The following GPAA1 variants were observed in gnomAD, a reference collection of about 807,000 sequenced individuals.
GPAA1 encodes GPI-anchor transamidase component GPAA1.
A neutral mutation model predicts 64.0 loss-of-function variants in GPAA1; 54 were observed. The ratio of observed to expected loss-of-function variants is 0.84; its 90% CI spans 0.68 to 1.06. The LOEUF (loss-of-function observed/expected upper bound fraction) is 1.06, where lower values mean the gene tolerates loss of function less well. GPAA1 is among the 50% of genes least tolerant of loss of function. GPAA1 has a pLI of 0.00. For synonymous variants in GPAA1, 393 were observed against 377.3 expected, an observed-to-expected ratio of 1.04 and a Z score of -0.48; for missense variants, 780 against 822.3, an observed-to-expected ratio of 0.95 and a Z score of 0.63.
chr8:144,085,264 C>A, intron 9 of GPAA1, 25 bp from the exon 10 acceptor site: 1 of 1,571,030 alleles, frequency 6.4e-7, no homozygotes, highest in Non-Finnish European at 8.6e-7. Flanking sequence ...CAGGGTCCAT[C>A]TCCAAGAGCC....
rs1554764272 is a variant in GPAA1, at chr8:144,085,613, C to A, written c.1492C>A (p.Leu498Met). The change falls in exon 11 of 12, where the codon CTG becomes ATG. Residue 498 changes from leucine to methionine, a missense_variant. Coordinates refer to ENST00000355091, the MANE Select transcript of GPAA1 (RefSeq NM_003801.4). Reference protein sequence around the residue: ...TQAPDRGWMALKLVALIYLAL... With the variant: ...TQAPDRGWMAMKLVALIYLAL... ...GGCCCCAGACAGGGGCTGGATGGCACTGAAGCTGGTAGCCCTGATCTACCT... is the reference window on the plus strand; with the variant it reads ...GGCCCCAGACAGGGGCTGGATGGCAATGAAGCTGGTAGCCCTGATCTACCT... 3 of 1,613,780 alleles carry A rather than the reference C, an allele frequency of 1.9e-6. No individual in the cohort carries two copies. In the African/African-American group the frequency reaches 4.0e-5, roughly 22 times the overall value.
intron 11 of GPAA1, 45 bp from the exon 12 acceptor site, chr8:144,085,837 A>G (rs1466064306): frequency 5.1e-5 from 81 of 1,600,404 alleles, no homozygotes; most frequent in Non-Finnish European, 6.7e-5. Flanking sequence ...CCTGGTGCCC[A>G]TGCCCCCACC....
intron 10 of GPAA1, 21 bp from the exon 11 acceptor site, chr8:144,085,552 T>C (rs1554764252): frequency 6.2e-7 from 1 of 1,610,622 alleles, no homozygotes; most frequent in Non-Finnish European, 8.5e-7. Context: ...GTGGGTTGCC[T>C]CTGAGTCCTT....
At position 144,084,223 on chromosome 8, in the gene GPAA1, G is replaced by T; in HGVS notation, c.706G>T (p.Asp236Tyr). The change falls in exon 6 of 12, where the codon GAT becomes TAT. Residue 236 changes from aspartate (D) to tyrosine (Y), a missense_variant. By Grantham distance (160) the Asp-to-Tyr change is radical. Transcript: ENST00000355091. ...GAGCAGTGATGTGGTCACCAGCCTCGATGTGGCCGTGGAGGGGCTTAACGG... is the reference window on the plus strand; with the variant it reads ...GAGCAGTGATGTGGTCACCAGCCTCTATGTGGCCGTGGAGGGGCTTAACGG... Reference protein sequence around the residue: ...ELSSDVVTSLDVAVEGLNGQL... With the variant: ...ELSSDVVTSLYVAVEGLNGQL... 1 of 1,612,940 alleles carries T rather than the reference G, an allele frequency of 6.2e-7. No individual in the cohort carries two copies. The highest frequency in any genetic ancestry group is 8.5e-7 in the Non-Finnish European group (1 of 1,179,738).
At position 144,085,755 on chromosome 8, in the gene GPAA1, T is replaced by C. The variant is rs1353619342; in HGVS notation, c.1622+12T>C. The C allele has an allele frequency of 6.2e-7, 1 of 1,610,702 alleles. No homozygotes were observed. The highest frequency in any genetic ancestry group is 1.7e-5 in the Admixed American group (1 of 60,002). ...CCTCATGGGCCCCGGTATGTATGGA[T>C]CAGCCCCACTTCCCCCAATGCCTGT... On this transcript the variant is annotated intron_variant, in intron 11 of 11. Transcript: ENST00000355091.
At chr8:144,082,991 G>C (rs1835933262) in intron 1 of GPAA1, 133 bp from the exon 2 acceptor site, 5 of 929,780 alleles carry the variant, frequency 5.4e-6, no homozygotes, top group Non-Finnish European at 7.9e-6. Context: ...GCTCGGGTCC[G>C]GCGTCCCGAT....
rs782743997 is a variant in GPAA1, at chr8:144,083,278, T to C, written c.229T>C (p.Phe77Leu). The change falls in exon 2 of 12, where the codon TTC becomes CTC. Residue 77 changes from phenylalanine to leucine, a missense_variant. Transcript: ENST00000355091. The part of the protein sequence containing the change: ...GDRARAFARD[F>L]AAHRKKSGAL... ...CCGTGCCCGGGCTTTTGCCCGGGAC[T>C]TCGCCGCCCACCGCAAGAAGTCGGG... is the stretch of plus-strand genomic sequence containing the variant. 26 of 1,603,104 alleles carry C rather than the reference T, an allele frequency of 1.6e-5. No individual in the cohort carries two copies. Among genetic ancestry groups the C allele is most frequent in the Non-Finnish European group, 2.2e-5 (26 of 1,173,046 alleles).
At position 144,083,983 on chromosome 8, in the gene GPAA1, C is replaced by T; in HGVS notation, c.559C>T (p.His187Tyr). 1.2e-6 allele frequency: 2 copies of T among 1,614,132 alleles called. No homozygotes were observed. ...AKDIVFLVTEHDLLGTEAWLE... is the reference protein window; with the variant it reads ...AKDIVFLVTEYDLLGTEAWLE... ...AGATATCGTCTTCCTGGTAACAGAA[C>T]ATGACCTTCTGGGCACTGAGGCTTG... The change falls in exon 5 of 12, where the codon CAT (histidine) becomes TAT (tyrosine). Residue 187 changes from histidine to tyrosine, a missense_variant. His to Tyr is a moderately conservative substitution (Grantham distance 83). Transcript: ENST00000355091.
chr8:144,086,175 C>T lies in GPAA1; in HGVS notation c.*50C>T, dbSNP rs1554764397. 3.8e-6 allele frequency: 6 copies of T among 1,576,296 alleles called. No homozygotes were observed. Among genetic ancestry groups the T allele is most frequent in the South Asian group, 2.2e-5 (2 of 89,774 alleles). The stretch of plus-strand genomic sequence containing the variant: ...GAGACTCCCCAAGGACCCCATTCTG[C>T]CTCCTTCTGGGGAAATAAATGAGTG... On this transcript the variant is annotated 3_prime_UTR_variant, in exon 12 of 12. Transcript: ENST00000355091.
intron 4 of GPAA1, 22 bp downstream of exon 4, chr8:144,083,883 C>T (rs1554763928): frequency 6.2e-7 from 1 of 1,613,600 alleles, no homozygotes; most frequent in Admixed American, 1.7e-5. Flanking sequence ...GGCTGCTGGC[C>T]GTGGAGGGGT....
rs1835947837 is a variant in GPAA1, at chr8:144,083,785, C to T, written c.438C>T (p.Leu146=). The T allele has an allele frequency of 6.2e-7, 1 of 1,607,740 alleles. No homozygotes were observed. The highest frequency in any genetic ancestry group is 1.3e-5 in the African/African-American group (1 of 74,928). The part of the protein sequence containing the change: ...PRAASTESLV[L]TVPCGSDSTN... Reference sequence around the variant, plus strand: ...CTGCCAGCACCGAGTCGCTTGTGCTCACCGTGCCCTGTGGCTCTGACTCTA... The same window carrying T: ...CTGCCAGCACCGAGTCGCTTGTGCTTACCGTGCCCTGTGGCTCTGACTCTA... Residue 146 remains leucine, a synonymous_variant, in exon 4 of 12, where the codon CTC becomes CTT. Transcript: ENST00000355091.
rs781967224 is a variant in GPAA1, at chr8:144,085,903, GGT to G, written c.1646_1647del (p.Val549AlafsTer96). ...CCAGGACCCTCTATGCTGCCCTGCT[GGT>G]GCTGACCAGCCCGGCAGCCACGCTC... ...GPRTLYAALL[V>X]LTSPAATLLG... On this transcript the variant is annotated frameshift_variant, in exon 12 of 12. Coordinates refer to ENST00000355091, the MANE Select transcript of GPAA1 (RefSeq NM_003801.4). LOFTEE classifies it high-confidence loss of function. 37 of 1,608,340 alleles carry G rather than the reference GGT, an allele frequency of 2.3e-5. No individual in the cohort carries two copies. Among genetic ancestry groups the G allele is most frequent in the Non-Finnish European group, 3.1e-5 (37 of 1,177,746 alleles).
chr8:144,086,105 A>C lies in GPAA1; in HGVS notation c.1846A>C (p.Asn616His). The C allele has an allele frequency of 6.2e-7, 1 of 1,613,310 alleles. No individual in the cohort carries two copies. The highest frequency in any genetic ancestry group is 8.5e-7 in the Non-Finnish European group (1 of 1,179,900). Residue 616 changes from asparagine (N) to histidine (H), a missense_variant, in exon 12 of 12, where the codon AAT becomes CAT. Asn to His is a moderately conservative substitution (Grantham distance 68). Coordinates refer to ENST00000355091, the MANE Select transcript of GPAA1 (RefSeq NM_003801.4). ...GLYPCWLLFW[N>H]VLFWK Reference sequence around the variant, plus strand: ...CTACCCCTGCTGGCTGCTTTTCTGGAATGTGCTCTTCTGGAAGTGAGATCT... The same window carrying C: ...CTACCCCTGCTGGCTGCTTTTCTGGCATGTGCTCTTCTGGAAGTGAGATCT...
rs374211767 is a variant in GPAA1 at position 144,084,496 on chromosome 8, C to T, written c.897C>T (p.Ser299=). The part of the protein sequence containing the change: ...TLLLMVLRQA[S]GRPHGSHGLF... ...TGCTCATGGTTCTGCGGCAGGCCTC[C>T]GGCCGCCCCCACGGCTCCCATGGCC... The change falls in exon 7 of 12, where the codon TCC becomes TCT. Residue 299 remains serine (S), a synonymous_variant. Coordinates refer to ENST00000355091, the MANE Select transcript of GPAA1 (RefSeq NM_003801.4). 12 of 1,613,206 alleles carry T rather than the reference C, an allele frequency of 7.4e-6. No homozygotes were observed. In the East Asian group the frequency reaches 1.1e-4, roughly 15 times the overall value.
chr8:144,082,841 C>T (rs1238142713), intron 1 of GPAA1, 37 bp downstream of exon 1: 6 of 1,348,078 alleles, frequency 4.5e-6, no homozygotes, highest in Non-Finnish European at 5.7e-6. Context: ...GACCCGAGGG[C>T]CCTGGGCTCG....
At position 144,085,358 on chromosome 8, in the gene GPAA1, C is replaced by T. The variant is rs781839903; in HGVS notation, c.1330C>T (p.Leu444=). The change falls in exon 10 of 12, where the codon CTG becomes TTG. Residue 444 remains leucine (L), a synonymous_variant. Transcript: ENST00000355091. ...GGCCATGGGACTGGCCCTCTATGTC[C>T]TGCCAGTGCTGGGCCAACACGTTGC... is the stretch of plus-strand genomic sequence containing the variant. ...SQAMGLALYV[L]PVLGQHVATQ... The T allele has an allele frequency of 2.5e-6, 4 of 1,609,870 alleles. No homozygotes were observed. The Admixed American group carries it at 6.7e-5, about 27-fold the overall frequency.
Position 144,086,201 on chromosome 8 carries a change from T to A in GPAA1, c.*76T>A. ...CTCCTTCTGGGGAAATAAATGAGTG[T>A]CTGTTTCAGCAGCTATTTGAGCTCC... is the stretch of plus-strand genomic sequence containing the variant. On this transcript the variant is annotated 3_prime_UTR_variant, in exon 12 of 12. Transcript: ENST00000355091. 1 of 1,249,832 alleles carries A rather than the reference T, an allele frequency of 8.0e-7. No individual in the cohort carries two copies. Among genetic ancestry groups the A allele is most frequent in the Non-Finnish European group, 1.1e-6 (1 of 922,504 alleles). The allele number at this position is 1,249,832 out of a possible 1,614,324, so 77.4% of individuals were successfully genotyped here.
In GPAA1 at chr8:144,084,038, C is replaced by T. The variant is rs782491794; in HGVS notation, c.614C>T (p.Thr205Ile). Reference protein sequence around the residue: ...WLEAYHDVNVTGMQSSPLQGR... With the variant: ...WLEAYHDVNVIGMQSSPLQGR... Reference sequence around the variant, plus strand: ...GAAGCCTACCACGATGTCAATGTCACTGGTAGGTTCTCTTGTCCTGCCTGC... The same window carrying T: ...GAAGCCTACCACGATGTCAATGTCATTGGTAGGTTCTCTTGTCCTGCCTGC... Residue 205 changes from threonine (T) to isoleucine (I), a missense_variant and splice_region_variant, in exon 5 of 12, where the codon ACT (threonine) becomes ATT (isoleucine). By Grantham distance (89) the Thr-to-Ile change is moderately conservative (BLOSUM62 -1). Transcript: ENST00000355091. The T allele has an allele frequency of 1.2e-6, 2 of 1,611,800 alleles. No homozygotes were observed. Among genetic ancestry groups the T allele is most frequent in the African/African-American group, 1.3e-5 (1 of 75,002 alleles).
rs781911281 is a variant in GPAA1 at position 144,085,146 on chromosome 8, C to A, written c.1260+8C>A. 1 of 1,522,400 alleles carries A rather than the reference C, an allele frequency of 6.6e-7. No individual in the cohort carries two copies. 94.3% of individuals were successfully genotyped at this position (1,522,400 alleles called of 1,614,324 possible). A position where few individuals can be genotyped will look rare whatever the true frequency, so the allele number is the denominator to read the frequency against. The stretch of plus-strand genomic sequence containing the variant: ...CCCCTTCCCCCATCACAGGTGATGG[C>A]ACCCCCTTCTGTTGTTGGAATGGGC... On this transcript the variant is annotated splice_region_variant and intron_variant, in intron 9 of 11. Transcript: ENST00000355091.
Sources: gnomAD v4.1 joint callset for allele counts on GRCh38, gnomAD v4.1.1 for gene constraint, MANE v1.5 for transcripts, NCBI Gene and HGNC (gene_info 2026-07-23, HGNC 2026-07-21) for gene names.